The following LAMP3 variants were observed in gnomAD, a reference collection of about 807,000 sequenced individuals.
LAMP3 encodes lysosome-associated membrane glycoprotein 3.
A neutral mutation model predicts 34.8 loss-of-function variants in LAMP3; 26 were observed. That is an observed-to-expected ratio of 0.75 (90% confidence interval 0.55 to 1.04). The LOEUF (loss-of-function observed/expected upper bound fraction) is 1.04, where lower values mean the gene tolerates loss of function less well. LAMP3 is among the 50% of genes least tolerant of loss of function. LAMP3 has a pLI of 0.00. For synonymous variants in LAMP3, 180 were observed against 201.9 expected (o/e 0.89, Z 0.92); for missense variants, 495 against 524.0 (o/e 0.94, Z 0.54).
intron 3 of LAMP3, among the ~76,000 whole-genome samples, chr3:183,149,329 C>G (rs1020359225): frequency 7.3e-5 from 11 of 151,542 alleles, no homozygotes; most frequent in Non-Finnish European, 1.3e-4. Flanking sequence ...ATCACGAGGT[C>G]AAGAGATCGA....
chr3:183,139,387 CAAAAAA>C (rs35474952), intron 4 of LAMP3, among the ~76,000 whole-genome samples: 1 of 81,250 alleles, frequency 1.2e-5, no homozygotes. Context: ...GAGACTGTCT[CAAAAAA>C]AAAAAAAAAA....
rs374007384 is a variant in LAMP3 at position 183,124,046 on chromosome 3, T to G, written c.*35A>C. ...TCCTGGAAGGGATGAAAGAGTTCTC[T>G]AAATTCCATTATTTTCATTCCCCCC... On this transcript the variant is annotated 3_prime_UTR_variant, in exon 6 of 6. Transcript: ENST00000265598. 45 of 1,612,930 alleles carry G rather than the reference T, an allele frequency of 2.8e-5. No individual in the cohort carries two copies. The highest frequency in any genetic ancestry group is 3.6e-5 in the Non-Finnish European group (43 of 1,179,014).
At chr3:183,146,597 G>A (rs867992043) in intron 3 of LAMP3, among the ~76,000 whole-genome samples, 1 of 147,162 alleles carries the variant, frequency 6.8e-6, no homozygotes, top group Non-Finnish European at 1.5e-5. Context: ...GCACAATCTC[G>A]GCTCACTGCA....
chr3:183,140,489 A>G lies in LAMP3; in HGVS notation c.946+49T>C, dbSNP rs1576877087. The G allele has an allele frequency of 8.2e-6, 9 of 1,102,588 alleles. No homozygotes were observed. In the East Asian group the frequency reaches 1.9e-4, roughly 23 times the overall value. The allele number at this position is 1,102,588 out of a possible 1,614,324, so 68.3% of individuals were successfully genotyped here. On this transcript the variant is annotated intron_variant, in intron 4 of 5. Transcript: ENST00000265598. ...AATGGGATGAAAGGTGAGCTAACCA[A>G]CAGAAACAGCGTCATGGCTGGTCGA...
chr3:183,153,170 G>A (rs1248106454), intron 2 of LAMP3, among the ~76,000 whole-genome samples: 3 of 110,378 alleles, frequency 2.7e-5, no homozygotes, highest in Non-Finnish European at 3.5e-5. Flanking sequence ...GCGAGACTCC[G>A]TCTCAAAAAA....
chr3:183,156,453 G>A (rs1330269461), intron 1 of LAMP3, among the ~76,000 whole-genome samples: 1 of 152,130 alleles, frequency 6.6e-6, no homozygotes, highest in Non-Finnish European at 1.5e-5. Context: ...CAATTTTGTG[G>A]TTTCTCAGTG....
intron 5 of LAMP3, among the ~76,000 whole-genome samples, chr3:183,124,834 A>AAAACAAACAAAC (rs146636311): frequency 1.2e-4 from 19 of 152,288 alleles, no homozygotes; most frequent in African/African-American, 3.9e-4. Flanking sequence ...CTCCATCTCA[A>AAAACAAACAAAC]AAACAAACAA....
At chr3:183,132,765 A>G (rs754849596) in intron 5 of LAMP3, 139 of 985,328 alleles carry the variant, frequency 1.4e-4, no homozygotes, top group Non-Finnish European at 1.7e-4. Flanking sequence ...GCTGAATATG[A>G]TGCTGGAATT....
chr3:183,156,019 A>G (rs1188593882), intron 1 of LAMP3, among the ~76,000 whole-genome samples: 3 of 152,210 alleles, frequency 2.0e-5, no homozygotes, highest in Non-Finnish European at 4.4e-5. Flanking sequence ...GAACAGGTCT[A>G]TCCTTGCCTC....
chr3:183,131,872 A>C, intron 5 of LAMP3: 1 of 935,816 alleles, frequency 1.1e-6, no homozygotes, highest in Non-Finnish European at 1.3e-6. Context: ...TAACATCCTA[A>C]GCCATATTTT....
In LAMP3 at chr3:183,124,571, G is replaced by A. The variant is rs1477212953; in HGVS notation, c.1118-357C>T. ...AGACCAGCCGGGCACAGTGGCTCAC[G>A]CCTGTAATCCCAGCACTTTGGGAGG... On this transcript the variant is annotated intron_variant, in intron 5 of 5. Coordinates refer to ENST00000265598, the MANE Select transcript of LAMP3 (RefSeq NM_014398.4). Among the ~76,000 whole-genome samples the A allele has an allele frequency of 2.0e-5, 3 of 151,918 alleles. No individual in the cohort carries two copies. In the East Asian group the frequency reaches 5.9e-4, roughly 30 times the overall value.
At chr3:183,134,280 T>A (rs574605355) in intron 5 of LAMP3, among the ~76,000 whole-genome samples, 1 of 151,154 alleles carries the variant, frequency 6.6e-6, no homozygotes, top group African/African-American at 2.4e-5. Flanking sequence ...AACTCTGAAG[T>A]CTGTTGTTTG....
rs540070977 is a variant in LAMP3, at chr3:183,144,663, G to A, written c.889-4068C>T. Among the ~76,000 whole-genome samples the A allele has an allele frequency of 5.3e-4, 80 of 152,262 alleles. 1 individual carries two copies. The highest frequency in any genetic ancestry group is 3.5e-3 in the South Asian group (17 of 4,824). On this transcript the variant is annotated intron_variant, in intron 3 of 5. Coordinates refer to ENST00000265598, the MANE Select transcript of LAMP3 (RefSeq NM_014398.4). ...GTCACAGTCCTCAGAAGCCCAGCTC[G>A]TAGGCCAAGAGGGTTCCAAATGCCC...
intron 3 of LAMP3, among the ~76,000 whole-genome samples, chr3:183,143,307 C>T (rs781379851): frequency 1.3e-5 from 2 of 152,122 alleles, no homozygotes; most frequent in African/African-American, 2.4e-5. Context: ...GAGATGGGAT[C>T]TCACTATGGT....
chr3:183,131,026 G>A (rs776601998), intron 5 of LAMP3, among the ~76,000 whole-genome samples: 54 of 152,120 alleles, frequency 3.5e-4, no homozygotes, highest in Non-Finnish European at 5.7e-4. Flanking sequence ...ACACATCCAA[G>A]CGTTTATTTA....
At chr3:183,137,496 A>G (rs900698428) in intron 4 of LAMP3, among the ~76,000 whole-genome samples, 1 of 152,182 alleles carries the variant, frequency 6.6e-6, no homozygotes, top group Non-Finnish European at 1.5e-5. Context: ...ACAGTAAGGA[A>G]TAGTCCCACG....
Position 183,124,221 on chromosome 3 carries a change from G to A in LAMP3, c.1118-7C>T, listed in dbSNP as rs1314318422. 5.1e-6 allele frequency: 8 copies of A among 1,565,528 alleles called. No homozygotes were observed. Among genetic ancestry groups the A allele is most frequent in the African/African-American group, 1.4e-5 (1 of 72,192 alleles). On this transcript the variant is annotated splice_region_variant and splice_polypyrimidine_tract_variant and intron_variant, in intron 5 of 5. Coordinates refer to ENST00000265598, the MANE Select transcript of LAMP3 (RefSeq NM_014398.4). ...TCAGACGAGCACTCATCCACTAAGA[G>A]AGAAAACAAATACAATACAGTGGGT... is the stretch of plus-strand genomic sequence containing the variant.
intron 5 of LAMP3, 146 bp downstream of exon 5, chr3:183,135,571 C>A (rs1720056949): frequency 1.3e-6 from 1 of 782,912 alleles, no homozygotes; most frequent in African/African-American, 1.7e-5. Flanking sequence ...CCAGAGGAGC[C>A]TGGCCCTGTG....
chr3:183,150,414 G>A lies in LAMP3; in HGVS notation c.888+1961C>T, dbSNP rs4859157. Among the ~76,000 whole-genome samples the A allele has an allele frequency of 5.2e-4, 79 of 152,268 alleles. No individual in the cohort carries two copies. The East Asian group carries it at 7.9e-3, about 15-fold the overall frequency. ...CTAAGGCCTGATGGCAGCTGCCCTT[G>A]TGTGCCACAAATGCTGGAGTTTATT... is the stretch of plus-strand genomic sequence containing the variant. On this transcript the variant is annotated intron_variant, in intron 3 of 5. Coordinates refer to ENST00000265598, the MANE Select transcript of LAMP3 (RefSeq NM_014398.4).
Sources: gnomAD v4.1 joint callset for allele counts (sites outside exome capture counted in the v4.1 genomes callset) on GRCh38, gnomAD v4.1.1 for gene constraint, MANE v1.5 for transcripts, NCBI Gene and HGNC (gene_info 2026-07-23, HGNC 2026-07-21) for gene names.